The following EPB41L4A variants were observed in gnomAD, a reference collection of about 807,000 sequenced individuals.
EPB41L4A encodes erythrocyte membrane protein band 4.1 like 4A.
In EPB41L4A, 100 loss-of-function variants were observed where a neutral mutation model predicts 108.6. That is an observed-to-expected ratio of 0.92 (90% CI 0.78 to 1.09). The LOEUF is 1.09. Among genes scored for constraint, EPB41L4A ranks in the 50% least tolerant of loss-of-function variants. EPB41L4A has a pLI of 0.00. For synonymous variants in EPB41L4A, 319 were observed against 289.0 expected (o/e 1.10, Z -1.05); for missense variants, 1,030 against 842.7 (o/e 1.22, Z -2.75).
chr5:112,343,549 A>G (rs1320529422), intron 1 of EPB41L4A, among the ~76,000 whole-genome samples: 1 of 152,156 alleles, frequency 6.6e-6, no homozygotes, highest in Non-Finnish European at 1.5e-5. Flanking sequence ...TGGTGTTGCC[A>G]TCACCACGAC....
At chr5:112,175,849 T>C (rs1317728331) in intron 18 of EPB41L4A, among the ~76,000 whole-genome samples, 1 of 152,122 alleles carries the variant, frequency 6.6e-6, no homozygotes, top group African/African-American at 2.4e-5. Flanking sequence ...CAGGCTGGTC[T>C]TGAACTCCTG....
At chr5:112,143,876 C>T (rs766461800) in exon 14 of EPB41L4A, 4 of 455,692 alleles carry the variant, frequency 8.8e-6, no homozygotes, top group Non-Finnish European at 1.8e-5. Context: ...AAAGCAGAGT[C>T]TGCACTGAAG....
At chr5:112,313,694 C>T (rs1289180790) in intron 1 of EPB41L4A, among the ~76,000 whole-genome samples, 1 of 151,712 alleles carries the variant, frequency 6.6e-6, no homozygotes, top group Non-Finnish European at 1.5e-5. Context: ...TAGTCATTAC[C>T]TTTTTTTGCT....
In EPB41L4A at chr5:112,239,760, T is replaced by C. The variant is rs899121104; in HGVS notation, c.888-23A>G. On this transcript the variant is annotated intron_variant, in intron 10 of 22. Transcript: ENST00000261486. ...ATTCTAATCAATTTTTAAAAGAAAA[T>C]CAGACAAAGACTCAATGTTATAGGC... 4.5e-6 allele frequency: 7 copies of C among 1,559,872 alleles called. No individual in the cohort carries two copies. In the Admixed American group the frequency reaches 1.2e-4, roughly 27 times the overall value.
intron 1 of EPB41L4A, among the ~76,000 whole-genome samples, chr5:112,404,129 T>C (rs1761946216): frequency 6.6e-6 from 1 of 152,252 alleles, no homozygotes; most frequent in Non-Finnish European, 1.5e-5. Flanking sequence ...GGACATTCTG[T>C]CATGATTTCA....
chr5:112,324,093 C>G (rs1444346915), intron 1 of EPB41L4A, among the ~76,000 whole-genome samples: 1 of 152,024 alleles, frequency 6.6e-6, no homozygotes, highest in African/African-American at 2.4e-5. Context: ...TATGAAAGAT[C>G]AAGAGAGAGA....
At position 112,289,543 on chromosome 5, in the gene EPB41L4A, TC is replaced by T. The variant is rs780632763; in HGVS notation, c.205-9221del. ...TGGTGGCAGAAGTAACTGCCTGTCTTCTGAGACTTGGTCATGCACAGTGACC... is the reference window on the plus strand; with the variant it reads ...TGGTGGCAGAAGTAACTGCCTGTCTTTGAGACTTGGTCATGCACAGTGACC... On this transcript the variant is annotated intron_variant, in intron 2 of 22. Coordinates refer to ENST00000261486, the MANE Select transcript of EPB41L4A (RefSeq NM_022140.5). 3.4e-3 allele frequency among the ~76,000 whole-genome samples: 518 copies of T among 152,300 alleles called. 6 individuals are homozygous for T. The highest frequency in any genetic ancestry group is 3.6e-3 in the Non-Finnish European group (248 of 68,024).
At chr5:112,350,949 T>C (rs1012587563) in intron 1 of EPB41L4A, among the ~76,000 whole-genome samples, 22 of 152,240 alleles carry the variant, frequency 1.4e-4, no homozygotes, top group African/African-American at 5.1e-4. Context: ...GAGATACACA[T>C]ATCCTTCTGG....
intron 1 of EPB41L4A, among the ~76,000 whole-genome samples, chr5:112,361,014 G>A (rs914147033): frequency 6.6e-6 from 1 of 152,234 alleles, no homozygotes; most frequent in African/African-American, 2.4e-5. Flanking sequence ...CCCTGTCTGA[G>A]AGGTGTACCC....
chr5:112,404,543 A>G (rs1761971145), intron 1 of EPB41L4A, among the ~76,000 whole-genome samples: 1 of 152,212 alleles, frequency 6.6e-6, no homozygotes, highest in African/African-American at 2.4e-5. Context: ...ATAAACTATG[A>G]CTGCAAAACA....
rs200943564 is a variant in EPB41L4A at position 112,234,201 on chromosome 5, AAAATAAAATAT to A, written c.1087+422_1087+432del. ...AAATAAAATTAAAATAAAATAAAAT[AAAATAAAATAT>A]AAATAAAATAAAATAAAATAAAAAT... is the stretch of plus-strand genomic sequence containing the variant. On this transcript the variant is annotated intron_variant, in intron 12 of 22. Transcript: ENST00000261486. Among the ~76,000 whole-genome samples, 22 of 146,554 alleles carry A rather than the reference AAAATAAAATAT, an allele frequency of 1.5e-4. No homozygotes were observed. In the East Asian group the frequency reaches 4.1e-3, roughly 27 times the overall value.
chr5:112,169,324 ACATATATATATGTATGTAT>A (rs1383280388), intron 20 of EPB41L4A, among the ~76,000 whole-genome samples: 2 of 152,194 alleles, frequency 1.3e-5, no homozygotes, highest in African/African-American at 4.8e-5. Context: ...TTGTGTGTAT[ACATATATATATGTATGTAT>A]GTATATTTTT....
chr5:112,344,291 T>C (rs1173294629), intron 1 of EPB41L4A, among the ~76,000 whole-genome samples: 1 of 152,230 alleles, frequency 6.6e-6, no homozygotes, highest in Non-Finnish European at 1.5e-5. Context: ...TACATGTGGC[T>C]CAAGTCCTGT....
At chr5:112,317,499 C>T (rs775839760) in intron 1 of EPB41L4A, among the ~76,000 whole-genome samples, 3 of 152,176 alleles carry the variant, frequency 2.0e-5, no homozygotes, top group Admixed American at 1.3e-4. Context: ...CCTTCTAATA[C>T]AGCAGTGATT....
At chr5:112,307,328 C>A in intron 2 of EPB41L4A, 58 bp downstream of exon 2, 1 of 1,141,198 alleles carries the variant, frequency 8.8e-7, no homozygotes, top group South Asian at 1.3e-5. Context: ...TCAGGAAAAG[C>A]CAGAGATAGA....
At chr5:112,204,587 C>CAG (rs561720417) in intron 14 of EPB41L4A, 99 bp from the exon 15 acceptor site, 237 of 678,916 alleles carry the variant, frequency 3.5e-4, no homozygotes, top group African/African-American at 2.8e-3. Flanking sequence ...CTGGTACTTC[C>CAG]AGAGGCACAT....
chr5:112,346,754 A>G, intron 1 of EPB41L4A, among the ~76,000 whole-genome samples: 1 of 152,194 alleles, frequency 6.6e-6, no homozygotes. Context: ...ACCTAAAATA[A>G]CTAAAACTAG....
At chr5:112,382,861 A>G (rs550722949) in intron 1 of EPB41L4A, among the ~76,000 whole-genome samples, 1 of 152,314 alleles carries the variant, frequency 6.6e-6, no homozygotes, top group East Asian at 1.9e-4. Flanking sequence ...CAATCACTGC[A>G]TCTATTATTT....
At chr5:112,416,507 G>T (rs1474891005) in intron 1 of EPB41L4A, among the ~76,000 whole-genome samples, 1 of 152,108 alleles carries the variant, frequency 6.6e-6, no homozygotes, top group African/African-American at 2.4e-5. Context: ...GAAAAATAGA[G>T]ATTTTTCTAG....
Sources: allele counts gnomAD v4.1 joint callset (sites outside exome capture counted in the v4.1 genomes callset), GRCh38; gene constraint gnomAD v4.1.1; transcripts MANE v1.5; gene names NCBI Gene and HGNC (gene_info 2026-07-23, HGNC 2026-07-21).